POLI: variants seen among roughly 807,000 people sequenced by gnomAD.
POLI encodes RAD30 homolog B.
In POLI, 58 loss-of-function variants were observed where a neutral mutation model predicts 51.6. That is an observed-to-expected ratio of 1.12 (90% CI 0.91 to 1.40). POLI has a LOEUF of 1.40. Ranked by LOEUF, POLI falls within the 40% of genes most tolerant of loss-of-function variation. POLI has a pLI of 0.00. For synonymous variants in POLI, 322 were observed against 299.7 expected (o/e 1.07, Z -0.77); for missense variants, 921 against 871.3 (o/e 1.06, Z -0.72).
At chr18:54,309,827 G>A (rs1017870520) in intron 3 of POLI, among the ~76,000 whole-genome samples, 2 of 152,182 alleles carry the variant, frequency 1.3e-5, no homozygotes, top group African/African-American at 2.4e-5. Flanking sequence ...AAGCCACCTC[G>A]CAGTTCCATC....
Position 54,297,508 on chromosome 18 carries a change from C to T in POLI, c.*3041C>T, listed in dbSNP as rs765729948. On this transcript the variant is annotated 3_prime_UTR_variant, in exon 10 of 10. Transcript: ENST00000579534. The stretch of plus-strand genomic sequence containing the variant: ...GGAGAACTCTAAAAAGTATCTATTC[C>T]ACTGTAGTGCCAAAGTACAAATTTA... 132 of 981,232 alleles carry T rather than the reference C, an allele frequency of 1.3e-4. No homozygotes were observed. Among genetic ancestry groups the T allele is most frequent in the Non-Finnish European group, 1.5e-4 (128 of 826,392 alleles). The allele number at this position is 981,232 out of a possible 1,614,324, so 60.8% of individuals were successfully genotyped here. A position where few individuals can be genotyped will look rare whatever the true frequency, so the allele number is the denominator to read the frequency against.
chr18:54,294,979 A>G lies in POLI; in HGVS notation c.*512A>G, dbSNP rs2088241864. ...GACTTTTAAAATACCAAAGCAATTT[A>G]TATTCAATTAATGCTTCTTCATACA... On this transcript the variant is annotated 3_prime_UTR_variant, in exon 10 of 10. Coordinates refer to ENST00000579534, the MANE Select transcript of POLI (RefSeq NM_007195.3). 4 of 984,604 alleles carry G rather than the reference A, an allele frequency of 4.1e-6. No individual in the cohort carries two copies. The highest frequency in any genetic ancestry group is 1.2e-4 in the Admixed American group (2 of 16,264). 61.0% of individuals were successfully genotyped at this position (984,604 alleles called of 1,614,324 possible).
chr18:54,289,952 G>T (rs1236267926), intron 8 of POLI, among the ~76,000 whole-genome samples: 1 of 152,064 alleles, frequency 6.6e-6, no homozygotes, highest in Non-Finnish European at 1.5e-5. Flanking sequence ...CAAAAGCAAT[G>T]GCAACAAAAG....
rs758510587 is a variant in POLI at position 54,294,195 on chromosome 18, C to T, written c.1951C>T (p.Pro651Ser). Residue 651 changes from proline to serine, a missense_variant, in exon 10 of 10, where the codon CCT becomes TCT. By Grantham distance (74) the Pro-to-Ser change is moderately conservative. Coordinates refer to ENST00000579534, the MANE Select transcript of POLI (RefSeq NM_007195.3). The stretch of plus-strand genomic sequence containing the variant: ...AGGATTCCACTTTACAAATTCAAAC[C>T]CTGCTGTGTCTGCTTTTCATTCATT... ...PQGFHFTNSNPAVSAFHSFPN... is the reference protein window; with the variant it reads ...PQGFHFTNSNSAVSAFHSFPN... 2 of 1,613,142 alleles carry T rather than the reference C, an allele frequency of 1.2e-6. No homozygotes were observed. The highest frequency in any genetic ancestry group is 3.3e-5 in the Admixed American group (2 of 59,954).
chr18:54,308,519 T>C (rs2088624292), intron 3 of POLI, among the ~76,000 whole-genome samples: 1 of 152,244 alleles, frequency 6.6e-6, no homozygotes, highest in South Asian at 2.1e-4. Flanking sequence ...TTAACATTTT[T>C]TCCTTCATTT....
intron 3 of POLI, chr18:54,311,049 A>T (rs1190850084): frequency 1.0e-6 from 1 of 966,992 alleles, no homozygotes; most frequent in Non-Finnish European, 1.2e-6. Context: ...GGCATGAGCC[A>T]CTGTGCCCAG....
At chr18:54,302,820 A>T (rs1403819178), downstream of POLI, among the ~76,000 whole-genome samples, 1 of 152,024 alleles carries the variant, frequency 6.6e-6, no homozygotes, top group Non-Finnish European at 1.5e-5. Context: ...CTATCTTCAC[A>T]AGTTCAATTG....
At chr18:54,271,897 C>T (rs2144434916) in intron 2 of POLI, among the ~76,000 whole-genome samples, 1 of 152,276 alleles carries the variant, frequency 6.6e-6, no homozygotes, top group African/African-American at 2.4e-5. Context: ...TAACATCTAA[C>T]TAACTAGTTG....
At chr18:54,282,327 A>G (rs1323431667) in intron 5 of POLI, among the ~76,000 whole-genome samples, 7 of 152,122 alleles carry the variant, frequency 4.6e-5, no homozygotes, top group Admixed American at 4.6e-4. Flanking sequence ...GAGGACTTCA[A>G]AGAGGTGCAT....
rs1405825239 is a variant in POLI at position 54,287,641 on chromosome 18, G to A, written c.1198+230G>A. 12 of 313,282 alleles carry A rather than the reference G, an allele frequency of 3.8e-5. No individual in the cohort carries two copies. In the South Asian group the frequency reaches 4.2e-4, roughly 11 times the overall value. The allele number at this position is 313,282 out of a possible 1,614,324, so 19.4% of individuals were successfully genotyped here. On this transcript the variant is annotated intron_variant, in intron 8 of 9. Coordinates refer to ENST00000579534, the MANE Select transcript of POLI (RefSeq NM_007195.3). Reference sequence around the variant, plus strand: ...TGCACCAAGGCTGAAGTGCAGTGGTGCTGTGATAGCTCACTGCAGCCTTTG... The same window carrying A: ...TGCACCAAGGCTGAAGTGCAGTGGTACTGTGATAGCTCACTGCAGCCTTTG...
intron 8 of POLI, among the ~76,000 whole-genome samples, chr18:54,290,487 C>T (rs1055076524): frequency 6.6e-6 from 1 of 152,060 alleles, no homozygotes; most frequent in African/African-American, 2.4e-5. Flanking sequence ...GGGTATATAC[C>T]CAAAAGATTA....
At chr18:54,310,698 A>G (rs2088658819) in intron 3 of POLI, among the ~76,000 whole-genome samples, 3 of 152,294 alleles carry the variant, frequency 2.0e-5, no homozygotes, top group South Asian at 4.1e-4. Flanking sequence ...AAATATTGAA[A>G]AAATCTTTTA....
chr18:54,283,883 T>G (rs1262764192), intron 6 of POLI, 39 bp from the exon 7 acceptor site: 1 of 732,362 alleles, frequency 1.4e-6, no homozygotes, highest in East Asian at 2.6e-5. Context: ...ATATAGTTAT[T>G]TGAGTTTGTG....
intron 3 of POLI, among the ~76,000 whole-genome samples, chr18:54,275,776 T>C (rs2087213676): frequency 6.6e-6 from 1 of 152,210 alleles, no homozygotes. Context: ...TTGTTCATCT[T>C]TTTCTAAGTA....
Position 54,269,658 on chromosome 18 carries a change from C to G in POLI, c.112C>G (p.Gln38Glu). 1 of 1,505,030 alleles carries G rather than the reference C, an allele frequency of 6.6e-7. No individual in the cohort carries two copies. The highest frequency in any genetic ancestry group is 8.8e-7 in the Non-Finnish European group (1 of 1,130,726). 93.2% of individuals were successfully genotyped at this position (1,505,030 alleles called of 1,614,324 possible). A position where few individuals can be genotyped will look rare whatever the true frequency, so the allele number is the denominator to read the frequency against. The stretch of plus-strand genomic sequence containing the variant: ...GGACGTGGGGGCGGCAGCCAGCTCG[C>G]AGGGTGCGCCGCAGCCAGAGGAGCC... ...LADVGAAASS[Q>E]GVHDQVLPTP... Residue 38 changes from glutamine to glutamate, a missense_variant, in exon 1 of 10, where the codon CAG (glutamine) becomes GAG (glutamate). By Grantham distance (29) the Gln-to-Glu change is conservative. Coordinates refer to ENST00000579534, the MANE Select transcript of POLI (RefSeq NM_007195.3).
At chr18:54,312,407 T>C (rs1388088879) in intron 3 of POLI, among the ~76,000 whole-genome samples, 1 of 152,200 alleles carries the variant, frequency 6.6e-6, no homozygotes, top group Non-Finnish European at 1.5e-5. Flanking sequence ...CTCTTGTGAA[T>C]AGCGCTGCAG....
downstream of POLI, among the ~76,000 whole-genome samples, chr18:54,300,429 A>C (rs910566794): frequency 6.6e-6 from 1 of 152,124 alleles, no homozygotes; most frequent in Non-Finnish European, 1.5e-5. Flanking sequence ...GTATAATATA[A>C]ACCCTAAAAT....
At chr18:54,302,427 A>T (rs2144631402), downstream of POLI, among the ~76,000 whole-genome samples, 1 of 152,092 alleles carries the variant, frequency 6.6e-6, no homozygotes, top group Non-Finnish European at 1.5e-5. Flanking sequence ...CTAGAAAAAA[A>T]CTCCAACCTT....
rs766146034 is a variant in POLI at position 54,294,334 on chromosome 18, C to A, written c.2090C>A (p.Ser697Tyr). The A allele has an allele frequency of 1.9e-6, 3 of 1,613,522 alleles. No homozygotes were observed. In the Admixed American group the frequency reaches 5.0e-5, roughly 27 times the overall value. ...EGLTENREPD[S>Y]VDEKITFPSD... The stretch of plus-strand genomic sequence containing the variant: ...CTTACAGAAAATAGAGAGCCAGATT[C>A]TGTTGATGAGAAAATTACTTTCCCT... The change falls in exon 10 of 10, where the codon TCT becomes TAT. Residue 697 changes from serine to tyrosine, a missense_variant. Coordinates refer to ENST00000579534, the MANE Select transcript of POLI (RefSeq NM_007195.3).
Sources: gnomAD v4.1 joint callset for allele counts (sites outside exome capture counted in the v4.1 genomes callset) on GRCh38, gnomAD v4.1.1 for gene constraint, MANE v1.5 for transcripts, NCBI Gene and HGNC (gene_info 2026-07-23, HGNC 2026-07-21) for gene names.